Variants in ATP10D observed in about 807,000 individuals in gnomAD.
The protein encoded by ATP10D is phospholipid-transporting ATPase VD.
A neutral mutation model predicts 144.8 loss-of-function variants in ATP10D; 89 were observed. The ratio of observed to expected loss-of-function variants is 0.61; its 90% CI spans 0.52 to 0.73. The LOEUF (loss-of-function observed/expected upper bound fraction) is 0.73, where lower values mean the gene tolerates loss of function less well. ATP10D is among the 30% of genes least tolerant of loss of function. The pLI, the probability that ATP10D is intolerant of heterozygous loss-of-function variation, is 0.00. For synonymous variants in ATP10D, 571 were observed against 615.1 expected (o/e 0.93, Z 1.06); for missense variants, 1,603 against 1,714.8 (o/e 0.93, Z 1.15).
chr4:47,494,639 T>G (rs6447558), intron 1 of ATP10D, among the ~76,000 whole-genome samples: 149,316 of 151,830 alleles, frequency 0.98, 73,477 homozygotes, highest in East Asian at 1. Flanking sequence ...TTAGAAATAA[T>G]CAGAAAGAAT....
At chr4:47,535,698 G>C in intron 6 of ATP10D, 83 bp downstream of exon 6, 1 of 1,457,540 alleles carries the variant, frequency 6.9e-7, no homozygotes, top group South Asian at 1.3e-5. Context: ...AATGCAATCT[G>C]TTGAAGCAGA....
chr4:47,585,476 T>C (rs924514031), intron 21 of ATP10D, among the ~76,000 whole-genome samples: 5 of 152,144 alleles, frequency 3.3e-5, no homozygotes, highest in Admixed American at 6.5e-5. Flanking sequence ...CCTTCAAGCA[T>C]TTATCCTTTG....
At chr4:47,571,715 A>G (rs1305424571) in intron 16 of ATP10D, among the ~76,000 whole-genome samples, 1 of 152,162 alleles carries the variant, frequency 6.6e-6, no homozygotes, top group Non-Finnish European at 1.5e-5. Flanking sequence ...CTGAAGCCTT[A>G]TGAAAGGGCA....
At position 47,536,458 on chromosome 4, in the gene ATP10D, G is replaced by A; in HGVS notation, c.1037G>A (p.Arg346Lys). 2.5e-6 allele frequency: 4 copies of A among 1,613,578 alleles called. No homozygotes were observed. The highest frequency in any genetic ancestry group is 3.4e-6 in the Non-Finnish European group (4 of 1,179,658). Residue 346 changes from arginine (R) to lysine (K), a missense_variant, in exon 8 of 23, where the codon AGG becomes AAG. By Grantham distance (26) the Arg-to-Lys change is conservative (BLOSUM62 2). Transcript: ENST00000273859. ...GAVGHGIWLS[R>K]YEKMHFFNVP... ...AAAGGTCATGGAATCTGGCTGAGCA[G>A]GTATGAAAAGATGCATTTTTTCAAT...
intron 13 of ATP10D, among the ~76,000 whole-genome samples, chr4:47,559,641 C>A (rs1334227764): frequency 2.0e-5 from 3 of 152,162 alleles, no homozygotes; most frequent in Admixed American, 6.5e-5. Flanking sequence ...AGGTTTAGTT[C>A]ATGGGAGCTG....
intron 1 of ATP10D, among the ~76,000 whole-genome samples, chr4:47,490,783 G>A (rs946884357): frequency 1.7e-4 from 26 of 152,336 alleles, no homozygotes; most frequent in African/African-American, 5.5e-4. Context: ...TGTGTGCTCA[G>A]AGATGCCTTA....
Position 47,557,914 on chromosome 4 carries a change from G to T in ATP10D, c.2075G>T (p.Cys692Phe). ...CAGTGCTCCAGTAGCTCAGCTTGCT[G>T]CACAGAAACAGAGAAACAACACGGT... ...SPQCSSSSAC[C>F]TETEKQHGDA... Residue 692 changes from cysteine to phenylalanine, a missense_variant, in exon 12 of 23, where the codon TGC becomes TTC. Transcript: ENST00000273859. 1 of 1,614,162 alleles carries T rather than the reference G, an allele frequency of 6.2e-7. No individual in the cohort carries two copies. Among genetic ancestry groups the T allele is most frequent in the East Asian group, 2.2e-5 (1 of 44,880 alleles).
chr4:47,584,805 A>G (rs1720702104), intron 21 of ATP10D, among the ~76,000 whole-genome samples: 1 of 152,234 alleles, frequency 6.6e-6, no homozygotes, highest in Non-Finnish European at 1.5e-5. Flanking sequence ...GAAGATCTTA[A>G]TCCAGGAGTT....
intron 9 of ATP10D, among the ~76,000 whole-genome samples, chr4:47,537,472 G>A (rs1377344710): frequency 6.6e-6 from 1 of 152,030 alleles, no homozygotes; most frequent in African/African-American, 2.4e-5. Flanking sequence ...AAAGAAATAT[G>A]TGCTCCTTTG....
At chr4:47,538,098 T>A (rs1237314048) in intron 9 of ATP10D, among the ~76,000 whole-genome samples, 3 of 152,210 alleles carry the variant, frequency 2.0e-5, no homozygotes, top group Non-Finnish European at 2.9e-5. Context: ...TGTAATGAAG[T>A]TACACTTTTT....
intron 10 of ATP10D, among the ~76,000 whole-genome samples, chr4:47,551,194 A>G (rs1718716388): frequency 6.6e-6 from 1 of 152,200 alleles, no homozygotes; most frequent in Non-Finnish European, 1.5e-5. Context: ...CTTCCCAGCT[A>G]GGCTTAGGGA....
intron 18 of ATP10D, among the ~76,000 whole-genome samples, chr4:47,576,385 A>G (rs948811005): frequency 5.9e-5 from 9 of 152,174 alleles, no homozygotes; most frequent in Admixed American, 4.6e-4. Context: ...AGAGGATTTC[A>G]TATAAATTTT....
At chr4:47,499,046 A>G (rs1435970225) in intron 1 of ATP10D, among the ~76,000 whole-genome samples, 1 of 152,134 alleles carries the variant, frequency 6.6e-6, no homozygotes, top group African/African-American at 2.4e-5. Context: ...TTCATTTTGA[A>G]ACTTAACTGT....
chr4:47,555,105 G>A (rs114925441), intron 11 of ATP10D, among the ~76,000 whole-genome samples, 191 bp downstream of exon 11: 2,414 of 152,310 alleles, frequency 0.016, 63 homozygotes, highest in African/African-American at 0.055. Flanking sequence ...CCCCTTGGTT[G>A]CAGACCGGTA....
At chr4:47,563,009 G>A (rs991033401) in intron 14 of ATP10D, among the ~76,000 whole-genome samples, 5 of 152,144 alleles carry the variant, frequency 3.3e-5, no homozygotes, top group African/African-American at 4.8e-5. Flanking sequence ...ATAAGTGAGA[G>A]CTAAATAACA....
intron 1 of ATP10D, among the ~76,000 whole-genome samples, chr4:47,497,366 A>T (rs1475731747): frequency 6.6e-6 from 1 of 152,156 alleles, no homozygotes; most frequent in East Asian, 1.9e-4. Flanking sequence ...GAGGCAGGAG[A>T]ATCGCTTGAA....
At position 47,574,983 on chromosome 4, in the gene ATP10D, G is replaced by T. The variant is rs975297131; in HGVS notation, c.3367-1790G>T. ...ACTTAGCTAATTTCTGTTTGGTTTG[G>T]TTTTTTTTGCGGGGGGAGAGACAGG... On this transcript the variant is annotated intron_variant, in intron 18 of 22. Transcript: ENST00000273859. 6.6e-5 allele frequency among the ~76,000 whole-genome samples: 10 copies of T among 151,400 alleles called. No homozygotes were observed. In the East Asian group the frequency reaches 9.8e-4, roughly 15 times the overall value.
intron 18 of ATP10D, among the ~76,000 whole-genome samples, chr4:47,575,474 C>T (rs1312316611): frequency 6.6e-6 from 1 of 152,120 alleles, no homozygotes; most frequent in African/African-American, 2.4e-5. Context: ...CTGGGAAACC[C>T]CTCAGTCCCA....
intron 5 of ATP10D, among the ~76,000 whole-genome samples, chr4:47,528,594 G>A (rs2109416530): frequency 6.6e-6 from 1 of 151,354 alleles, no homozygotes; most frequent in South Asian, 2.1e-4. Flanking sequence ...CTTCACTGTT[G>A]TGAATAGCAT....
Sources: gnomAD v4.1 joint callset for allele counts (sites outside exome capture counted in the v4.1 genomes callset) on GRCh38, gnomAD v4.1.1 for gene constraint, MANE v1.5 for transcripts, NCBI Gene and HGNC (gene_info 2026-07-23, HGNC 2026-07-21) for gene names.